The following NACC2 variants were observed in gnomAD, a reference collection of about 807,000 sequenced individuals.
The protein encoded by NACC2 is NACC family member 2, also known as nucleus accumbens-associated protein 2.
A neutral mutation model predicts 25.1 loss-of-function variants in NACC2; 8 were observed. The observed-to-expected ratio is 0.32, with a 90% CI of 0.19 to 0.57. The LOEUF is 0.57. Among genes scored for constraint, NACC2 ranks in the 20% least tolerant of loss-of-function variants. The pLI is 0.89. For missense variants in NACC2, 644 were observed against 650.2 expected (o/e 0.99, Z 0.10); for synonymous variants, 435 against 294.7 (o/e 1.48, Z -4.88).
At chr9:136,046,346 G>A (rs1840724650) in intron 2 of NACC2, among the ~76,000 whole-genome samples, 1 of 152,216 alleles carries the variant, frequency 6.6e-6, no homozygotes, top group Admixed American at 6.5e-5. Flanking sequence ...TTCCCTTCCG[G>A]TGGATACGAT....
Position 136,013,322 on chromosome 9 carries a change from C to A in NACC2, c.1158-26G>T. ...CTGGTGGAGGGACCGGAAAGGCAGG[C>A]AGGGTGAGGATGATGGGGAGGGTAC... On this transcript the variant is annotated intron_variant, in intron 4 of 5. Coordinates refer to ENST00000277554, the MANE Select transcript of NACC2 (RefSeq NM_144653.5). The surrounding 1 kb of genome is among the most constrained non-coding windows in gnomAD (Gnocchi z 6.6). 1 of 1,603,494 alleles carries A rather than the reference C, an allele frequency of 6.2e-7. No homozygotes were observed. The highest frequency in any genetic ancestry group is 8.5e-7 in the Non-Finnish European group (1 of 1,173,086).
intron 1 of NACC2, among the ~76,000 whole-genome samples, chr9:136,087,398 C>A (rs554599313): frequency 6.6e-6 from 1 of 152,218 alleles, no homozygotes; most frequent in South Asian, 2.1e-4. Context: ...TGGCCTGTCA[C>A]CTGCACAGCT....
intron 1 of NACC2, among the ~76,000 whole-genome samples, chr9:136,052,356 A>G (rs975822208): frequency 1.3e-5 from 2 of 151,994 alleles, no homozygotes; most frequent in Non-Finnish European, 2.9e-5. Flanking sequence ...CCAGTGTCAA[A>G]GCATTTAAAC....
chr9:136,013,123 C>A lies in NACC2; in HGVS notation c.1255+76G>T. 7.4e-7 allele frequency: 1 copy of A among 1,347,848 alleles called. No homozygotes were observed. 83.5% of individuals were successfully genotyped at this position (1,347,848 alleles called of 1,614,324 possible). A position where few individuals can be genotyped will look rare whatever the true frequency, so the allele number is the denominator to read the frequency against. ...CAGGTGGCCGGGAGCACCCCCGCGG[C>A]CCACCCAGTCCTCCTCAGGCTGGGA... is the stretch of plus-strand genomic sequence containing the variant. On this transcript the variant is annotated intron_variant, in intron 5 of 5. Coordinates refer to ENST00000277554, the MANE Select transcript of NACC2 (RefSeq NM_144653.5). The surrounding 1 kb of genome is among the most constrained non-coding windows in gnomAD (Gnocchi z 6.6).
intron 1 of NACC2, among the ~76,000 whole-genome samples, chr9:136,088,852 G>C (rs377361847): frequency 1.3e-5 from 2 of 152,196 alleles, no homozygotes; most frequent in Admixed American, 1.3e-4. Context: ...CCCAAGCCCC[G>C]AGGGGAGCCA....
At chr9:136,027,385 A>G (rs955313537) in intron 2 of NACC2, among the ~76,000 whole-genome samples, 2 of 152,214 alleles carry the variant, frequency 1.3e-5, no homozygotes, top group African/African-American at 4.8e-5. Flanking sequence ...AGATAAAAAC[A>G]CACCTGAAAG....
At chr9:136,071,929 C>A (rs1841158292) in intron 1 of NACC2, among the ~76,000 whole-genome samples, 1 of 152,106 alleles carries the variant, frequency 6.6e-6, no homozygotes, top group Non-Finnish European at 1.5e-5. Flanking sequence ...CCACCCAAGC[C>A]TCACACCCCA....
At position 136,013,163 on chromosome 9, in the gene NACC2, C is replaced by CCGCCCCCCCCCCCCCCGA; in HGVS notation, c.1255+35_1255+36insTCGGGGGGGGGGGGGGCG. On this transcript the variant is annotated intron_variant, in intron 5 of 5. Transcript: ENST00000277554. The surrounding 1 kb of genome is among the most constrained non-coding windows in gnomAD (Gnocchi z 6.6). ...TCAGGCTGGGATCTGAACCCAGCCC[C>CCGCCCCCCCCCCCCCCGA]GGCCCCACCCACCCGAGAGACCCCC... 1 of 844,770 alleles carries CCGCCCCCCCCCCCCCCGA rather than the reference C, an allele frequency of 1.2e-6. No individual in the cohort carries two copies. The highest frequency in any genetic ancestry group is 2.0e-6 in the Non-Finnish European group (1 of 491,732). 52.3% of individuals were successfully genotyped at this position (844,770 alleles called of 1,614,324 possible). A position where few individuals can be genotyped will look rare whatever the true frequency, so the allele number is the denominator to read the frequency against.
chr9:136,038,027 A>G (rs903340977), intron 2 of NACC2, among the ~76,000 whole-genome samples: 6 of 152,226 alleles, frequency 3.9e-5, no homozygotes, highest in African/African-American at 1.4e-4. Flanking sequence ...AAAAAGAATC[A>G]ATGCTAATAC....
chr9:136,081,649 TC>T (rs1830325738), intron 1 of NACC2, among the ~76,000 whole-genome samples: 1 of 152,190 alleles, frequency 6.6e-6, no homozygotes, highest in Non-Finnish European at 1.5e-5. Context: ...AGCTGAAGCC[TC>T]TGGGAAAACC....
intron 1 of NACC2, among the ~76,000 whole-genome samples, chr9:136,072,412 G>A (rs942326703): frequency 1.3e-5 from 2 of 152,080 alleles, no homozygotes; most frequent in African/African-American, 4.8e-5. Flanking sequence ...GGGCGTGCTG[G>A]TGTACACCTA....
At chr9:136,025,751 A>G (rs1840377596) in intron 2 of NACC2, among the ~76,000 whole-genome samples, 1 of 151,782 alleles carries the variant, frequency 6.6e-6, no homozygotes, top group African/African-American at 2.4e-5. Context: ...CGCCTCTACT[A>G]AAAATACAAA....
intron 2 of NACC2, among the ~76,000 whole-genome samples, chr9:136,023,658 C>T (rs1340715586): frequency 6.6e-6 from 1 of 152,234 alleles, no homozygotes. Context: ...GCATCCCTTT[C>T]CTGCTCTACA....
At chr9:136,023,225 C>T (rs1273728065) in intron 2 of NACC2, among the ~76,000 whole-genome samples, 20 of 151,138 alleles carry the variant, frequency 1.3e-4, no homozygotes, top group Non-Finnish European at 3.0e-5. Context: ...CATGCCCACA[C>T]TCATGGGTGC....
chr9:136,042,691 C>G (rs914584249), intron 2 of NACC2, among the ~76,000 whole-genome samples: 1 of 149,096 alleles, frequency 6.7e-6, no homozygotes. Context: ...CATACACACA[C>G]AGACACACAC....
chr9:136,077,604 G>C (rs1302247924), intron 1 of NACC2, among the ~76,000 whole-genome samples: 2 of 152,146 alleles, frequency 1.3e-5, no homozygotes, highest in Non-Finnish European at 2.9e-5. Context: ...GAAACGCACA[G>C]AGGAGGGAGG....
rs1231581820 is a variant in NACC2 at position 136,013,400 on chromosome 9, C to T, written c.1158-104G>A. 3.9e-6 allele frequency: 4 copies of T among 1,038,092 alleles called. No homozygotes were observed. 64.3% of individuals were successfully genotyped at this position (1,038,092 alleles called of 1,614,324 possible). A position where few individuals can be genotyped will look rare whatever the true frequency, so the allele number is the denominator to read the frequency against. Reference sequence around the variant, plus strand: ...CCTGCTGGGAGGCCACTTGGCCTCACCCTTGGCTGGTCTGCGTGTGTCCCA... The same window carrying T: ...CCTGCTGGGAGGCCACTTGGCCTCATCCTTGGCTGGTCTGCGTGTGTCCCA... On this transcript the variant is annotated intron_variant, in intron 4 of 5. Coordinates refer to ENST00000277554, the MANE Select transcript of NACC2 (RefSeq NM_144653.5). The surrounding 1 kb of genome is among the most constrained non-coding windows in gnomAD (Gnocchi z 6.6).
intron 1 of NACC2, among the ~76,000 whole-genome samples, chr9:136,061,343 G>T (rs1841008108): frequency 6.6e-6 from 1 of 152,092 alleles, no homozygotes; most frequent in African/African-American, 2.4e-5. Flanking sequence ...CGTTTCCCGG[G>T]CACTCACCAC....
rs1376070490 is a variant in NACC2 at position 136,011,641 on chromosome 9, G to C, written c.1639C>G (p.Pro547Ala). The change falls in exon 6 of 6, where the codon CCG becomes GCG. Residue 547 changes from proline (P) to alanine (A), a missense_variant. Pro to Ala is a conservative substitution (Grantham distance 27). Coordinates refer to ENST00000277554, the MANE Select transcript of NACC2 (RefSeq NM_144653.5). The stretch of plus-strand genomic sequence containing the variant: ...GGGCTCTGGCCATCGGCGGGCAGCG[G>C]CTCGGGGGCGGCCACCTCCTGGATG... ...SVIQEVAAPE[P>A]LPADGQSPPQ... The C allele has an allele frequency of 7.1e-7, 1 of 1,403,226 alleles. No individual in the cohort carries two copies. Among genetic ancestry groups the C allele is most frequent in the Non-Finnish European group, 9.2e-7 (1 of 1,083,838 alleles). The allele number at this position is 1,403,226 out of a possible 1,614,324, so 86.9% of individuals were successfully genotyped here. A position where few individuals can be genotyped will look rare whatever the true frequency, so the allele number is the denominator to read the frequency against.
Sources: allele counts gnomAD v4.1 joint callset (sites outside exome capture counted in the v4.1 genomes callset), GRCh38; gene constraint gnomAD v4.1.1; non-coding constraint Gnocchi (gnomAD v3.1); transcripts MANE v1.5; gene names NCBI Gene and HGNC (gene_info 2026-07-23, HGNC 2026-07-21).